Variants in CRYGA observed in about 807,000 individuals in gnomAD.
The protein encoded by CRYGA is gamma-crystallin A.
CRYGA carries 11 observed loss-of-function variants against 13.8 expected under a neutral mutation model. The observed-to-expected ratio is 0.80, with a 90% CI of 0.50 to 1.32. The LOEUF (loss-of-function observed/expected upper bound fraction) is 1.32. CRYGA is among the 40% of genes most tolerant of loss of function. The pLI, the probability that CRYGA is intolerant of heterozygous loss-of-function variation, is 0.00. For missense variants in CRYGA, 271 were observed against 234.1 expected, an observed-to-expected ratio of 1.16 and a Z score of -1.03; for synonymous variants, 97 against 89.3, an observed-to-expected ratio of 1.09 and a Z score of -0.48.
rs1574348495 is a variant in CRYGA at position 208,163,380 on chromosome 2, G to C, written c.76C>G (p.Leu26Val). 4.3e-6 allele frequency: 7 copies of C among 1,613,952 alleles called. No individual in the cohort carries two copies. In the East Asian group the frequency reaches 1.6e-4, roughly 36 times the overall value. Reference protein sequence around the residue: ...CYNCISDCPNLRVYFSRCNSI... With the variant: ...CYNCISDCPNVRVYFSRCNSI... ...TTGCAGCGGCTGAAGTAGACCCGCA[G>C]GTTGGGGCAGTCACTGATGCAATTG... Residue 26 changes from leucine to valine, a missense_variant, in exon 2 of 3, where the codon CTG becomes GTG. Physicochemically the swap from Leu to Val is conservative, Grantham distance 32. Transcript: ENST00000304502.
In CRYGA at chr2:208,163,197, G is replaced by A; in HGVS notation, c.252+7C>T. The A allele has an allele frequency of 6.2e-7, 1 of 1,608,982 alleles. No individual in the cohort carries two copies. ...TTTCACATCAGTCAAGTTGAAGCAA[G>A]ACTCACATGAGGAATTATACGGCAG... On this transcript the variant is annotated splice_region_variant and intron_variant, in intron 2 of 2. Transcript: ENST00000304502.
Position 208,163,264 on chromosome 2 carries a change from G to C in CRYGA, c.192C>G (p.Pro64=). 1 of 1,613,964 alleles carries C rather than the reference G, an allele frequency of 6.2e-7. No individual in the cohort carries two copies. Among genetic ancestry groups the C allele is most frequent in the Non-Finnish European group, 8.5e-7 (1 of 1,179,996 alleles). Reference sequence around the variant, plus strand: ...TGAGGCCCATCCAGTGCTGATAGTCGGGGTACTTGCCTCGGCGCAGGAAGT... The same window carrying C: ...TGAGGCCCATCCAGTGCTGATAGTCCGGGTACTTGCCTCGGCGCAGGAAGT... ...HQYFLRRGKY[P]DYQHWMGLSD... is the part of the protein sequence containing the mutation. The change falls in exon 2 of 3, where the codon CCC becomes CCG. Residue 64 remains proline, a synonymous_variant. Coordinates refer to ENST00000304502, the MANE Select transcript of CRYGA (RefSeq NM_014617.4).
In CRYGA at chr2:208,163,542, G is replaced by A. The variant is rs746459739; in HGVS notation, c.9+6C>T. On this transcript the variant is annotated splice_donor_region_variant and intron_variant, in intron 1 of 2. Coordinates refer to ENST00000304502, the MANE Select transcript of CRYGA (RefSeq NM_014617.4). ...TAGACATGGCACAGCACCTCCACAGGCTCACCTTCCCCATGGTTGTTGACA... is the reference window on the plus strand; with the variant it reads ...TAGACATGGCACAGCACCTCCACAGACTCACCTTCCCCATGGTTGTTGACA... 3.7e-6 allele frequency: 6 copies of A among 1,610,640 alleles called. No individual in the cohort carries two copies. The Admixed American group carries it at 1.0e-4, about 27-fold the overall frequency.
At chr2:208,163,070 G>C (rs937695832) in intron 2 of CRYGA, 134 bp downstream of exon 2, 1 of 701,608 alleles carries the variant, frequency 1.4e-6, no homozygotes, top group African/African-American at 1.8e-5. Context: ...TTTTATATAT[G>C]TTTGAGGGTC....
Sources: gnomAD v4.1 joint callset for allele counts on GRCh38, gnomAD v4.1.1 for gene constraint, MANE v1.5 for transcripts, NCBI Gene and HGNC (gene_info 2026-07-23, HGNC 2026-07-21) for gene names.